NID1: variants seen among roughly 807,000 people sequenced by gnomAD.
The protein encoded by NID1 is nidogen 1.
Under a neutral mutation model 130.6 loss-of-function variants are expected in NID1, and 76 were observed. The ratio of observed to expected loss-of-function variants is 0.58; its 90% CI spans 0.48 to 0.70. NID1 has a LOEUF of 0.70. NID1 is among the 30% of genes least tolerant of loss of function. NID1 has a pLI of 0.00. For missense variants in NID1, 1,517 were observed against 1,664.8 expected, an observed-to-expected ratio of 0.91 and a Z score of 1.54; for synonymous variants, 665 against 675.1, an observed-to-expected ratio of 0.98 and a Z score of 0.23.
chr1:236,060,958 T>A (rs1660021986), intron 1 of NID1, among the ~76,000 whole-genome samples: 1 of 152,190 alleles, frequency 6.6e-6, no homozygotes, highest in South Asian at 2.1e-4. Context: ...TGGAGCCTAG[T>A]ACTGTATTAC....
chr1:236,002,534 A>ACAAT (rs1658107755), intron 12 of NID1, among the ~76,000 whole-genome samples: 1 of 151,216 alleles, frequency 6.6e-6, no homozygotes, highest in Non-Finnish European at 1.5e-5. Flanking sequence ...AAACAAACAA[A>ACAAT]AAATGACGAT....
chr1:235,986,041 A>G (rs369505059), intron 14 of NID1, among the ~76,000 whole-genome samples: 4 of 151,570 alleles, frequency 2.6e-5, no homozygotes, highest in African/African-American at 9.7e-5. Flanking sequence ...GATTACCAGC[A>G]CCAGCCACTG....
chr1:236,056,804 G>A (rs183617232), intron 1 of NID1, among the ~76,000 whole-genome samples: 139 of 152,192 alleles, frequency 9.1e-4, no homozygotes, highest in African/African-American at 3.2e-3. Flanking sequence ...ATGAGCAGAA[G>A]GTGGTGCTGG....
chr1:235,991,114 T>C, intron 13 of NID1, 56 bp from the exon 14 acceptor site: 1 of 1,404,108 alleles, frequency 7.1e-7, no homozygotes, highest in Non-Finnish European at 9.5e-7. Context: ...AACACACAGA[T>C]GCACACACAC....
At chr1:235,984,900 A>G (rs1478370557) in intron 15 of NID1, among the ~76,000 whole-genome samples, 2 of 152,146 alleles carry the variant, frequency 1.3e-5, no homozygotes, top group Non-Finnish European at 2.9e-5. Context: ...TGAAAAGTAG[A>G]TTGTGCCTGC....
Position 236,032,539 on chromosome 1 carries a change from C to T in NID1, c.1399G>A (p.Gly467Arg), listed in dbSNP as rs1015629194. 8 of 1,613,968 alleles carry T rather than the reference C, an allele frequency of 5.0e-6. No individual in the cohort carries two copies. Among genetic ancestry groups the T allele is most frequent in the East Asian group, 2.2e-5 (1 of 44,896 alleles). Reference protein sequence around the residue: ...DLHSYVVMNHGRSYTAISTIP... With the variant: ...DLHSYVVMNHRRSYTAISTIP... ...GTGCTGATGGCTGTGTAGGAGCGCC[C>T]GTGGTTCATTACTACGTAAGAGTGG... Residue 467 changes from glycine to arginine, a missense_variant, in exon 6 of 20, where the codon GGG (glycine) becomes AGG (arginine). By Grantham distance (125) the Gly-to-Arg change is moderately radical (BLOSUM62 -2). Transcript: ENST00000264187.
rs536116174 is a variant in NID1, at chr1:236,038,238, G to A, written c.1151C>T (p.Thr384Met). The A allele has an allele frequency of 3.3e-5, 53 of 1,612,424 alleles. No homozygotes were observed. Among genetic ancestry groups the A allele is most frequent in the African/African-American group, 5.3e-5 (4 of 74,994 alleles). ...EETGVVFSYN[T>M]DSRQTCANNR... The stretch of plus-strand genomic sequence containing the variant: ...GTTAGCACACGTCTGGCGGGAATCC[G>A]TGTTATAGCTGAAAACTGGTCCAAG... The change falls in exon 5 of 20, where the codon ACG becomes ATG. Residue 384 changes from threonine (T) to methionine (M), a missense_variant. By Grantham distance (81) the Thr-to-Met change is moderately conservative. Around this residue, in one of 3 missense-constraint regions of NID1, gnomAD observed 1,329 missense variants for 1,429.2 expected, o/e 0.93. Coordinates refer to ENST00000264187, the MANE Select transcript of NID1 (RefSeq NM_002508.3).
rs1199334128 is a variant in NID1 at position 236,051,084 on chromosome 1, G to GA, written c.226-2096dup. On this transcript the variant is annotated intron_variant, in intron 1 of 19. Coordinates refer to ENST00000264187, the MANE Select transcript of NID1 (RefSeq NM_002508.3). ...CTAGGCAACAGAGCAAGAGTGTCTCGAAAAAAAAAGAGAGAAAGAAGAAGA... is the reference window on the plus strand; with the variant it reads ...CTAGGCAACAGAGCAAGAGTGTCTCGAAAAAAAAAAGAGAGAAAGAAGAAGA... Among the ~76,000 whole-genome samples the GA allele has an allele frequency of 6.7e-5, 10 of 150,226 alleles. No homozygotes were observed. In the East Asian group the frequency reaches 1.6e-3, roughly 23 times the overall value.
At chr1:235,984,211 T>A (rs1316649608) in intron 15 of NID1, among the ~76,000 whole-genome samples, 2 of 152,152 alleles carry the variant, frequency 1.3e-5, no homozygotes, top group Admixed American at 1.3e-4. Context: ...ATAATAACAA[T>A]AACATTTTTA....
chr1:236,017,400 T>TC (rs143774517), intron 9 of NID1, 127 bp from the exon 10 acceptor site: 14,252 of 1,030,912 alleles, frequency 0.014, 74 homozygotes, highest in Middle Eastern at 0.021. Flanking sequence ...TTTTTTTTTT[T>TC]CCGAGATGGA....
At chr1:236,008,986 T>C (rs1330991278) in intron 12 of NID1, among the ~76,000 whole-genome samples, 4 of 152,220 alleles carry the variant, frequency 2.6e-5, no homozygotes, top group African/African-American at 9.6e-5. Flanking sequence ...ATTTTAGTCA[T>C]ATACAATTTA....
chr1:236,045,311 GAA>G, intron 3 of NID1, 144 bp downstream of exon 3: 1 of 561,156 alleles, frequency 1.8e-6, no homozygotes, highest in Non-Finnish European at 3.1e-6. Context: ...AAGTTCATCA[GAA>G]AAAGAGTATC....
At chr1:236,044,846 C>G (rs1659552194) in intron 3 of NID1, among the ~76,000 whole-genome samples, 1 of 150,924 alleles carries the variant, frequency 6.6e-6, no homozygotes, top group Non-Finnish European at 1.5e-5. Flanking sequence ...GCCTTGAGAT[C>G]AAAGGAGATA....
intron 12 of NID1, among the ~76,000 whole-genome samples, chr1:235,996,903 C>T (rs1215034149): frequency 6.6e-6 from 1 of 152,054 alleles, no homozygotes; most frequent in East Asian, 1.9e-4. Flanking sequence ...GGCGCGATCT[C>T]GGCTCACTGC....
chr1:236,035,798 C>T (rs1022152664), intron 5 of NID1, among the ~76,000 whole-genome samples: 3 of 152,172 alleles, frequency 2.0e-5, no homozygotes, highest in East Asian at 1.9e-4. Context: ...TCTGCACACA[C>T]GTTGCATCAT....
intron 12 of NID1, among the ~76,000 whole-genome samples, chr1:235,998,191 G>T (rs1486270105): frequency 6.6e-6 from 1 of 152,152 alleles, no homozygotes; most frequent in Non-Finnish European, 1.5e-5. Flanking sequence ...TTCTCATGTT[G>T]GTTTGCTTAA....
chr1:235,980,257 T>C lies in NID1; in HGVS notation c.3385+239A>G, dbSNP rs554809062. Among the ~76,000 whole-genome samples the C allele has an allele frequency of 9.1e-4, 139 of 152,304 alleles. 1 individual carries two copies. Among genetic ancestry groups the C allele is most frequent in the African/African-American group, 3.1e-3 (130 of 41,562 alleles). Reference sequence around the variant, plus strand: ...GCCAACTTTTTCTTAAAGCACCAGATAGTAAATTATTTCAGGTTTTGCAGG... The same window carrying C: ...GCCAACTTTTTCTTAAAGCACCAGACAGTAAATTATTTCAGGTTTTGCAGG... On this transcript the variant is annotated intron_variant, in intron 17 of 19. Transcript: ENST00000264187.
At chr1:236,063,228 T>G (rs1033584186) in intron 1 of NID1, among the ~76,000 whole-genome samples, 1 of 150,946 alleles carries the variant, frequency 6.6e-6, no homozygotes, top group African/African-American at 2.4e-5. Flanking sequence ...TCCCAGCACT[T>G]TGGGAAGCTG....
chr1:236,051,208 G>A (rs1659754621), intron 1 of NID1, among the ~76,000 whole-genome samples: 2 of 152,118 alleles, frequency 1.3e-5, no homozygotes, highest in East Asian at 3.9e-4. Flanking sequence ...GCAACCCTCA[G>A]TTGTTAGAAG....
Sources: gnomAD v4.1 joint callset for allele counts (sites outside exome capture counted in the v4.1 genomes callset) on GRCh38, gnomAD v4.1.1 for gene constraint, gnomAD v4.1.1 regional missense constraint, MANE v1.5 for transcripts, NCBI Gene and HGNC (gene_info 2026-07-23, HGNC 2026-07-21) for gene names.